Variants in RAB11FIP3 observed in about 807,000 individuals in gnomAD.
RAB11FIP3 encodes the protein rab11 family-interacting protein 3.
RAB11FIP3 carries 17 observed loss-of-function variants against 77.8 expected under a neutral mutation model. That is an observed-to-expected ratio of 0.22 (90% confidence interval 0.15 to 0.33). The LOEUF (loss-of-function observed/expected upper bound fraction) is 0.33. Ranked by LOEUF, RAB11FIP3 falls within the 10% of genes least tolerant of loss-of-function variation. RAB11FIP3 has a pLI of 1.00. For missense variants in RAB11FIP3, 1,005 were observed against 1,011.2 expected, an observed-to-expected ratio of 0.99 and a Z score of 0.08; for synonymous variants, 437 against 448.2, an observed-to-expected ratio of 0.98 and a Z score of 0.31.
In RAB11FIP3 at chr16:461,476, A is replaced by G; in HGVS notation, c.787A>G (p.Ile263Val). ...VISFEDFYQG[I>V]TAIRNGDPDG... ...CAGCTTTGAAGACTTCTACCAAGGG[A>G]TCACAGCCATCAGAAACGGAGGTCA... Residue 263 changes from isoleucine to valine, a missense_variant, in exon 2 of 14, where the codon ATC becomes GTC. Ile to Val is a conservative substitution (Grantham distance 29, BLOSUM62 3). Transcript: ENST00000262305. This position sits in a 1 kb window ranked among gnomAD's most constrained non-coding sequence, Gnocchi z 4.5. The G allele has an allele frequency of 6.2e-7, 1 of 1,613,752 alleles. No homozygotes were observed. The highest frequency in any genetic ancestry group is 1.1e-5 in the South Asian group (1 of 91,054).
chr16:478,398 G>A (rs1220841253), intron 3 of RAB11FIP3, among the ~76,000 whole-genome samples: 2 of 151,790 alleles, frequency 1.3e-5, no homozygotes, highest in Admixed American at 6.6e-5. Context: ...TCACCATATT[G>A]GCTAGGCTGG....
At chr16:455,628 ACT>A (rs1462980492) in intron 1 of RAB11FIP3, among the ~76,000 whole-genome samples, 1 of 151,918 alleles carries the variant, frequency 6.6e-6, no homozygotes, top group African/African-American at 2.4e-5. Flanking sequence ...ATAGGGTCTC[ACT>A]CTGTCGCCCA....
chr16:449,350 T>C (rs1349314423), intron 1 of RAB11FIP3, among the ~76,000 whole-genome samples: 1 of 152,194 alleles, frequency 6.6e-6, no homozygotes, highest in Non-Finnish European at 1.5e-5. Flanking sequence ...CTGAGGACCC[T>C]GTTTGCTGGT....
In RAB11FIP3 at chr16:429,347, C is replaced by T. The variant is rs8043999; in HGVS notation, c.714+2627C>T. Among the ~76,000 whole-genome samples the T allele has an allele frequency of 2.1e-3, 320 of 152,038 alleles. 6 individuals carry two copies. The highest frequency in any genetic ancestry group is 7.3e-3 in the African/African-American group (303 of 41,428). ...AAGACATTAATGATTTTTTTAAAAA[C>T]GCTAGGGAACAGTTCAGATTAACTG... On this transcript the variant is annotated intron_variant, in intron 1 of 13. Coordinates refer to ENST00000262305, the MANE Select transcript of RAB11FIP3 (RefSeq NM_014700.4).
At chr16:491,546 T>C (rs575248820) in intron 5 of RAB11FIP3, among the ~76,000 whole-genome samples, 3 of 152,346 alleles carry the variant, frequency 2.0e-5, no homozygotes, top group Non-Finnish European at 1.5e-5. Flanking sequence ...GAGGATACTT[T>C]CTGCATTTTA....
intron 1 of RAB11FIP3, among the ~76,000 whole-genome samples, chr16:433,855 CAAAA>C (rs201789059): frequency 5.7e-5 from 4 of 70,552 alleles, no homozygotes. Flanking sequence ...GACTCTGTCT[CAAAA>C]AAAAAAAAAA....
intron 1 of RAB11FIP3, among the ~76,000 whole-genome samples, chr16:443,722 C>T (rs1449951729): frequency 2.6e-5 from 4 of 152,154 alleles, no homozygotes; most frequent in African/African-American, 4.8e-5. Flanking sequence ...CCCGCTACCA[C>T]GCCCGGCTAA....
chr16:426,125 G>C lies in RAB11FIP3; in HGVS notation c.119G>C (p.Arg40Pro), dbSNP rs2054936647. ...CTGGCTCCGGGCCCTGCGGAGCTACGCCTCGGAGCGCCCGTCGGCGGCCCC... is the reference window on the plus strand; with the variant it reads ...CTGGCTCCGGGCCCTGCGGAGCTACCCCTCGGAGCGCCCGTCGGCGGCCCC... Reference protein sequence around the residue: ...AQLAPGPAELRLGAPVGGPDP... With the variant: ...AQLAPGPAELPLGAPVGGPDP... The change falls in exon 1 of 14, where the codon CGC becomes CCC. Residue 40 changes from arginine to proline, a missense_variant. This residue lies in a region of RAB11FIP3 where 466 missense variants were observed against 408.3 expected (regional missense o/e 1.14). Coordinates refer to ENST00000262305, the MANE Select transcript of RAB11FIP3 (RefSeq NM_014700.4). The surrounding 1 kb of genome is among the most constrained non-coding windows in gnomAD (Gnocchi z 5.0). 9.9e-7 allele frequency: 1 copy of C among 1,009,052 alleles called. No homozygotes were observed. The highest frequency in any genetic ancestry group is 1.2e-6 in the Non-Finnish European group (1 of 847,096). 62.5% of individuals were successfully genotyped at this position (1,009,052 alleles called of 1,614,324 possible). A position where few individuals can be genotyped will look rare whatever the true frequency, so the allele number is the denominator to read the frequency against.
chr16:488,525 C>T (rs1249744542), intron 4 of RAB11FIP3, among the ~76,000 whole-genome samples: 1 of 152,058 alleles, frequency 6.6e-6, no homozygotes, highest in Non-Finnish European at 1.5e-5. Flanking sequence ...CTTCCCACTT[C>T]AGCCTCCCGA....
intron 9 of RAB11FIP3, among the ~76,000 whole-genome samples, chr16:516,063 C>T (rs770103180): frequency 2.2e-4 from 33 of 152,202 alleles, no homozygotes; most frequent in African/African-American, 7.0e-4. Context: ...GTGGCCTCCC[C>T]GGCAGTGCAG....
chr16:489,202 C>A (rs752279364), intron 5 of RAB11FIP3: 97 of 648,006 alleles, frequency 1.5e-4, no homozygotes, highest in Non-Finnish European at 2.3e-4. Flanking sequence ...CAGCCACATC[C>A]CCAGATCACT....
chr16:474,968 G>A, intron 3 of RAB11FIP3: 1 of 1,551,266 alleles, frequency 6.4e-7, no homozygotes, highest in Non-Finnish European at 8.7e-7. Context: ...TGACATTGTT[G>A]TTTGAGAAAA....
intron 8 of RAB11FIP3, among the ~76,000 whole-genome samples, chr16:508,221 C>T (rs914617880): frequency 6.6e-6 from 1 of 152,198 alleles, no homozygotes; most frequent in African/African-American, 2.4e-5. Flanking sequence ...ATGTGAAGAC[C>T]TCTGACCCGG....
At chr16:493,313 T>C (rs2030767262) in intron 5 of RAB11FIP3, among the ~76,000 whole-genome samples, 4 of 146,754 alleles carry the variant, frequency 2.7e-5, no homozygotes, top group Admixed American at 2.7e-4. Flanking sequence ...TTCAACACAA[T>C]CAGGACACAC....
chr16:511,286 T>C (rs1364375069), intron 9 of RAB11FIP3, among the ~76,000 whole-genome samples: 8 of 102,262 alleles, frequency 7.8e-5, no homozygotes, highest in South Asian at 3.9e-4. Flanking sequence ...GCAGGCCAGG[T>C]AGGAGAGGTT....
intron 6 of RAB11FIP3, among the ~76,000 whole-genome samples, chr16:499,819 C>T (rs1316980151): frequency 2.1e-5 from 3 of 142,920 alleles, no homozygotes; most frequent in Non-Finnish European, 4.5e-5. Flanking sequence ...AAAAAAAAAG[C>T]TCCATCTGCA....
intron 4 of RAB11FIP3, 124 bp from the exon 5 acceptor site, chr16:488,726 TA>T: frequency 2.3e-6 from 2 of 872,992 alleles, no homozygotes; most frequent in South Asian, 2.7e-5. Context: ...TTTTTTTTTT[TA>T]AACGTGGCTC....
At chr16:509,101 A>G (rs1297883079) in intron 8 of RAB11FIP3, among the ~76,000 whole-genome samples, 1 of 152,020 alleles carries the variant, frequency 6.6e-6, no homozygotes, top group African/African-American at 2.4e-5. Context: ...TCAGGGTTTC[A>G]CCATATTGGT....
chr16:431,624 C>T (rs564696608), intron 1 of RAB11FIP3, among the ~76,000 whole-genome samples: 12 of 152,182 alleles, frequency 7.9e-5, no homozygotes, highest in Non-Finnish European at 1.2e-4. Flanking sequence ...ATCCACCTGC[C>T]TCAGCCTCCC....
Sources: allele counts gnomAD v4.1 joint callset (sites outside exome capture counted in the v4.1 genomes callset), GRCh38; gene constraint gnomAD v4.1.1; regional missense constraint gnomAD v4.1.1; non-coding constraint Gnocchi (gnomAD v3.1); transcripts MANE v1.5; gene names NCBI Gene and HGNC (gene_info 2026-07-23, HGNC 2026-07-21).